ADAMTSL1: variants seen among roughly 807,000 people sequenced by gnomAD.
The protein encoded by ADAMTSL1 is ADAMTS-like protein 1.
Under a neutral mutation model 201.8 loss-of-function variants are expected in ADAMTSL1, and 126 were observed. The ratio of observed to expected loss-of-function variants is 0.62; its 90% confidence interval spans 0.54 to 0.72. The LOEUF (loss-of-function observed/expected upper bound fraction) is 0.72. Among genes scored for constraint, ADAMTSL1 ranks in the 30% least tolerant of loss-of-function variants. The probability of loss-of-function intolerance (pLI) is 0.00; values close to 1 mark genes in which losing one functional copy is unlikely to be tolerated. For synonymous variants in ADAMTSL1, 1,121 were observed against 903.4 expected (o/e 1.24, Z -4.32); for missense variants, 2,679 against 2,277.8 (o/e 1.18, Z -3.59).
chr9:18,605,781 C>A (rs1824971591), intron 4 of ADAMTSL1, among the ~76,000 whole-genome samples: 1 of 152,156 alleles, frequency 6.6e-6, no homozygotes, highest in Admixed American at 6.5e-5. Flanking sequence ...CATTCACATG[C>A]TTTCTAAATG....
intron 1 of ADAMTSL1, among the ~76,000 whole-genome samples, chr9:18,146,901 T>C (rs2132027683): frequency 6.6e-6 from 1 of 152,258 alleles, no homozygotes; most frequent in Non-Finnish European, 1.5e-5. Context: ...ATTTAGTGCA[T>C]TGCAAAGCAA....
At chr9:18,578,550 T>C (rs1192732258) in intron 4 of ADAMTSL1, among the ~76,000 whole-genome samples, 3 of 152,228 alleles carry the variant, frequency 2.0e-5, no homozygotes, top group African/African-American at 7.2e-5. Context: ...CCACCACTCA[T>C]TGGCATGTGC....
chr9:18,860,668 C>A (rs984850170), intron 23 of ADAMTSL1, among the ~76,000 whole-genome samples: 2 of 151,958 alleles, frequency 1.3e-5, no homozygotes, highest in African/African-American at 2.4e-5. Context: ...CCAATTCCCA[C>A]CCCCACCATC....
At chr9:17,922,678 G>T (rs1169793834) in intron 1 of ADAMTSL1, among the ~76,000 whole-genome samples, 1 of 151,980 alleles carries the variant, frequency 6.6e-6, no homozygotes, top group Non-Finnish European at 1.5e-5. Flanking sequence ...GTCCCAGTTT[G>T]TTAGAGGGAG....
intron 1 of ADAMTSL1, among the ~76,000 whole-genome samples, chr9:18,138,945 T>C (rs1489426330): frequency 6.6e-6 from 1 of 152,128 alleles, no homozygotes; most frequent in Non-Finnish European, 1.5e-5. Context: ...TGAATATGTG[T>C]GTGTATGAGG....
intron 23 of ADAMTSL1, among the ~76,000 whole-genome samples, chr9:18,874,890 T>A (rs1169893112): frequency 6.6e-6 from 1 of 151,300 alleles, no homozygotes; most frequent in African/African-American, 2.4e-5. Flanking sequence ...TGAATCCATC[T>A]GGTCCTGGAC....
chr9:18,475,194 T>C (rs1246264414), intron 1 of ADAMTSL1, among the ~76,000 whole-genome samples: 1 of 152,192 alleles, frequency 6.6e-6, no homozygotes, highest in Non-Finnish European at 1.5e-5. Flanking sequence ...CAAATGTGAT[T>C]GTAGTTTTTC....
intron 26 of ADAMTSL1, among the ~76,000 whole-genome samples, chr9:18,894,290 G>C (rs1473076382): frequency 1.3e-5 from 2 of 150,916 alleles, no homozygotes; most frequent in South Asian, 2.1e-4. Context: ...GCTGCAACGA[G>C]CTGTGATCAT....
intron 2 of ADAMTSL1, among the ~76,000 whole-genome samples, chr9:18,362,722 C>T (rs961031034): frequency 1.3e-5 from 2 of 152,202 alleles, no homozygotes; most frequent in Non-Finnish European, 2.9e-5. Context: ...AGATTTCCTT[C>T]TCTGAATGAG....
At chr9:18,492,700 T>C (rs1425441868) in intron 1 of ADAMTSL1, among the ~76,000 whole-genome samples, 2 of 152,222 alleles carry the variant, frequency 1.3e-5, no homozygotes, top group Admixed American at 6.5e-5. Flanking sequence ...AATTGATTTG[T>C]AAATGTGCTT....
chr9:18,895,537 G>T (rs1829576250), intron 26 of ADAMTSL1, among the ~76,000 whole-genome samples: 1 of 151,628 alleles, frequency 6.6e-6, no homozygotes, highest in South Asian at 2.1e-4. Context: ...AAGAGATTAT[G>T]GGTGGAGACT....
intron 7 of ADAMTSL1, among the ~76,000 whole-genome samples, chr9:18,654,455 G>A (rs10811006): frequency 0.062 from 9,470 of 152,214 alleles, 357 homozygotes; most frequent in Middle Eastern, 0.14. Flanking sequence ...TCATGCATTC[G>A]TTTATTCAGC....
At chr9:17,941,491 G>A (rs907576066) in intron 1 of ADAMTSL1, among the ~76,000 whole-genome samples, 5 of 152,014 alleles carry the variant, frequency 3.3e-5, no homozygotes, top group South Asian at 4.1e-4. Flanking sequence ...AATTTTCTTA[G>A]TTGATACAAT....
chr9:18,221,045 G>T (rs1830239144), intron 2 of ADAMTSL1, among the ~76,000 whole-genome samples: 1 of 152,090 alleles, frequency 6.6e-6, no homozygotes, highest in Admixed American at 6.6e-5. Flanking sequence ...AAAGTTCGGG[G>T]ATTACAGACA....
chr9:18,014,918 G>C (rs989786140), intron 1 of ADAMTSL1, among the ~76,000 whole-genome samples: 1 of 152,102 alleles, frequency 6.6e-6, no homozygotes, highest in Non-Finnish European at 1.5e-5. Flanking sequence ...AATGAATAAA[G>C]GCCAAGTATA....
intron 7 of ADAMTSL1, 76 bp downstream of exon 7, chr9:18,639,487 G>A (rs769862652): frequency 2.7e-5 from 42 of 1,530,712 alleles, no homozygotes; most frequent in East Asian, 1.1e-4. Context: ...AGCAGAGAGC[G>A]ATTTTTGGTT....
chr9:18,185,819 A>C (rs1374632976), intron 2 of ADAMTSL1, among the ~76,000 whole-genome samples: 1 of 151,362 alleles, frequency 6.6e-6, no homozygotes, highest in Non-Finnish European at 1.5e-5. Flanking sequence ...TGTAAAATAC[A>C]TGCTGTACAA....
chr9:18,477,629 A>T (rs1385452955), intron 1 of ADAMTSL1, among the ~76,000 whole-genome samples: 1 of 152,216 alleles, frequency 6.6e-6, no homozygotes, highest in Non-Finnish European at 1.5e-5. Flanking sequence ...CTCTACACAG[A>T]TTTCTTTTTC....
intron 23 of ADAMTSL1, among the ~76,000 whole-genome samples, chr9:18,839,316 G>A (rs1169586330): frequency 2.6e-5 from 4 of 151,616 alleles, no homozygotes; most frequent in Non-Finnish European, 5.9e-5. Flanking sequence ...AGTTTACTGA[G>A]AATGATGATT....
Sources: allele counts gnomAD v4.1 joint callset (sites outside exome capture counted in the v4.1 genomes callset), GRCh38; gene constraint gnomAD v4.1.1; transcripts MANE v1.5; gene names NCBI Gene and HGNC (gene_info 2026-07-23, HGNC 2026-07-21).